Variants in CCDC6 observed in about 807,000 individuals in gnomAD.
CCDC6 encodes coiled-coil domain containing 6, also known as coiled-coil domain-containing protein 6.
A neutral mutation model predicts 56.6 loss-of-function variants in CCDC6; 20 were observed. The ratio of observed to expected loss-of-function variants is 0.35; its 90% confidence interval spans 0.25 to 0.51. The LOEUF is 0.51. CCDC6 is among the 20% of genes least tolerant of loss of function. CCDC6 has a pLI of 0.95. For missense variants in CCDC6, 367 were observed against 601.1 expected, an observed-to-expected ratio of 0.61 and a Z score of 4.07; for synonymous variants, 241 against 234.4, an observed-to-expected ratio of 1.03 and a Z score of -0.26.
At chr10:59,851,586 C>G (rs986443721) in intron 2 of CCDC6, among the ~76,000 whole-genome samples, 4 of 152,226 alleles carry the variant, frequency 2.6e-5, no homozygotes, top group African/African-American at 9.6e-5. Context: ...TTCCAGTATC[C>G]TCTTACAGGA....
chr10:59,858,881 G>C (rs769184742), intron 1 of CCDC6, among the ~76,000 whole-genome samples: 1 of 152,186 alleles, frequency 6.6e-6, no homozygotes, highest in Non-Finnish European at 1.5e-5. Flanking sequence ...CCACCCTTTA[G>C]AGGAGGTTTA....
chr10:59,872,536 G>C (rs976239670), intron 1 of CCDC6, among the ~76,000 whole-genome samples: 1 of 152,130 alleles, frequency 6.6e-6, no homozygotes, highest in Admixed American at 6.6e-5. Flanking sequence ...CAATTCCTCC[G>C]AAGAAGTAAA....
chr10:59,790,674 C>G lies in CCDC6; in HGVS notation c.*2243G>C, dbSNP rs1274187022. 1 of 219,722 alleles carries G rather than the reference C, an allele frequency of 4.6e-6. No homozygotes were observed. The highest frequency in any genetic ancestry group is 9.1e-6 in the Non-Finnish European group (1 of 110,332). 13.6% of individuals were successfully genotyped at this position (219,722 alleles called of 1,614,324 possible). A position where few individuals can be genotyped will look rare whatever the true frequency, so the allele number is the denominator to read the frequency against. ...GTGGAAAAAGTGCTGTTTGAAGGAG[C>G]TGTGTTTTATTTCGAAGTGAAATGA... is the stretch of plus-strand genomic sequence containing the variant. On this transcript the variant is annotated 3_prime_UTR_variant, in exon 9 of 9. Transcript: ENST00000263102.
intron 7 of CCDC6, among the ~76,000 whole-genome samples, chr10:59,800,527 T>C (rs2070564912): frequency 6.6e-6 from 1 of 152,212 alleles, no homozygotes; most frequent in African/African-American, 2.4e-5. Context: ...ATAGACATAC[T>C]GCCATTTGTT....
chr10:59,898,757 T>C (rs1339889704), intron 1 of CCDC6, among the ~76,000 whole-genome samples: 1 of 152,254 alleles, frequency 6.6e-6, no homozygotes, highest in Non-Finnish European at 1.5e-5. Flanking sequence ...TCTTTGAGGC[T>C]ATATTTATTT....
intron 3 of CCDC6, among the ~76,000 whole-genome samples, chr10:59,830,774 G>A (rs1001693672): frequency 2.0e-5 from 3 of 152,330 alleles, no homozygotes; most frequent in Admixed American, 1.3e-4. Context: ...ACAATAGGAT[G>A]AGACTGCCCT....
intron 6 of CCDC6, among the ~76,000 whole-genome samples, chr10:59,806,244 C>T (rs534932148): frequency 1.3e-5 from 2 of 152,176 alleles, no homozygotes; most frequent in South Asian, 2.1e-4. Context: ...TACCTTATCC[C>T]GAATTTAGAG....
At chr10:59,903,225 G>C (rs1383594303) in intron 1 of CCDC6, among the ~76,000 whole-genome samples, 1 of 152,114 alleles carries the variant, frequency 6.6e-6, no homozygotes, top group East Asian at 1.9e-4. Flanking sequence ...TATAATGGTG[G>C]ACACATGTCA....
At chr10:59,807,762 C>G (rs1387146249) in intron 5 of CCDC6, among the ~76,000 whole-genome samples, 1 of 151,998 alleles carries the variant, frequency 6.6e-6, no homozygotes, top group East Asian at 1.9e-4. Flanking sequence ...GAGGGAGGCC[C>G]AGATTCTGCC....
chr10:59,863,353 G>A (rs1589053577), intron 1 of CCDC6, among the ~76,000 whole-genome samples: 3 of 152,252 alleles, frequency 2.0e-5, no homozygotes, highest in Non-Finnish European at 2.9e-5. Context: ...GTTAAACAAC[G>A]TTATAAATAT....
intron 2 of CCDC6, among the ~76,000 whole-genome samples, chr10:59,844,123 G>T (rs899548480): frequency 6.6e-6 from 1 of 152,092 alleles, no homozygotes; most frequent in Non-Finnish European, 1.5e-5. Flanking sequence ...CTTCAGTGAG[G>T]TATGTCTGAG....
chr10:59,904,226 C>A (rs1260110702), intron 1 of CCDC6, among the ~76,000 whole-genome samples: 1 of 152,174 alleles, frequency 6.6e-6, no homozygotes, highest in East Asian at 1.9e-4. Context: ...CAAGCCACCA[C>A]CTTATACGCT....
At chr10:59,838,439 A>C (rs2070905245) in intron 2 of CCDC6, among the ~76,000 whole-genome samples, 2 of 152,300 alleles carry the variant, frequency 1.3e-5, no homozygotes, top group East Asian at 3.9e-4. Context: ...ACTAAGTCCA[A>C]ACTCACTGGC....
At chr10:59,904,894 C>T (rs2071531142) in intron 1 of CCDC6, among the ~76,000 whole-genome samples, 1 of 148,742 alleles carries the variant, frequency 6.7e-6, no homozygotes, top group Non-Finnish European at 1.5e-5. Flanking sequence ...ACACAGCCTC[C>T]TCCACCGAAG....
At chr10:59,842,682 T>C (rs1176616268) in intron 2 of CCDC6, among the ~76,000 whole-genome samples, 1 of 152,176 alleles carries the variant, frequency 6.6e-6, no homozygotes, top group East Asian at 1.9e-4. Flanking sequence ...GTTTGAGCTT[T>C]GAAGGTTATG....
rs568769196 is a variant in CCDC6, at chr10:59,906,548, G to T, written c.-124C>A. 79 of 811,362 alleles carry T rather than the reference G, an allele frequency of 9.7e-5. No individual in the cohort carries two copies. In the East Asian group the frequency reaches 2.5e-3, roughly 26 times the overall value. The allele number at this position is 811,362 out of a possible 1,614,324, so 50.3% of individuals were successfully genotyped here. On this transcript the variant is annotated 5_prime_UTR_variant, in exon 1 of 9. Transcript: ENST00000263102. ...CGCCGAGCTGAGCGCCTGGCACCAG[G>T]GCGCAGACTCGGAGCGGCGGCGAGA...
chr10:59,809,542 C>A (rs1486059753), intron 5 of CCDC6, among the ~76,000 whole-genome samples: 2 of 152,150 alleles, frequency 1.3e-5, no homozygotes, highest in African/African-American at 4.8e-5. Flanking sequence ...CCAGAGCATT[C>A]CTTGGCTGCC....
chr10:59,826,829 G>A (rs565311805), intron 3 of CCDC6, among the ~76,000 whole-genome samples: 1 of 152,142 alleles, frequency 6.6e-6, no homozygotes, highest in Non-Finnish European at 1.5e-5. Flanking sequence ...CTGGAAAATG[G>A]GTAGGGCAAA....
intron 1 of CCDC6, among the ~76,000 whole-genome samples, chr10:59,895,784 C>G (rs2071457911): frequency 6.6e-6 from 1 of 152,178 alleles, no homozygotes; most frequent in Non-Finnish European, 1.5e-5. Context: ...ATAAGAGTGT[C>G]TTTGTTTACC....
Sources: allele counts gnomAD v4.1 joint callset (sites outside exome capture counted in the v4.1 genomes callset), GRCh38; gene constraint gnomAD v4.1.1; transcripts MANE v1.5; gene names NCBI Gene and HGNC (gene_info 2026-07-23, HGNC 2026-07-21).